CLSTN2: variants seen among roughly 807,000 people sequenced by gnomAD.
CLSTN2 encodes the protein calsyntenin-2.
CLSTN2 carries 48 observed loss-of-function variants against 101.2 expected under a neutral mutation model. The ratio of observed to expected loss-of-function variants is 0.47; its 90% confidence interval spans 0.38 to 0.60. The LOEUF (loss-of-function observed/expected upper bound fraction) is 0.60, where lower values mean the gene tolerates loss of function less well. Among genes scored for constraint, CLSTN2 ranks in the 20% least tolerant of loss-of-function variants. The pLI is 0.00. For synonymous variants in CLSTN2, 481 were observed against 463.6 expected (o/e 1.04, Z -0.48); for missense variants, 1,160 against 1,238.2 (o/e 0.94, Z 0.95).
intron 8 of CLSTN2, among the ~76,000 whole-genome samples, chr3:140,489,222 G>A (rs771451997): frequency 1.3e-5 from 2 of 152,136 alleles, no homozygotes; most frequent in Non-Finnish European, 2.9e-5. Context: ...GGGGTGCAGG[G>A]AAGGGGCTTC....
At chr3:140,059,425 A>G (rs142670192) in intron 1 of CLSTN2, among the ~76,000 whole-genome samples, 1 of 152,314 alleles carries the variant, frequency 6.6e-6, no homozygotes, top group Non-Finnish European at 1.5e-5. Context: ...GTGATGTGCC[A>G]GGGAATTAAG....
intron 1 of CLSTN2, among the ~76,000 whole-genome samples, chr3:140,137,480 C>T (rs939737784): frequency 1.3e-5 from 2 of 152,088 alleles, no homozygotes; most frequent in Non-Finnish European, 2.9e-5. Context: ...TGCTTATTTC[C>T]CACTAGATTA....
At chr3:140,013,353 C>A (rs1482280278) in intron 1 of CLSTN2, among the ~76,000 whole-genome samples, 1 of 152,162 alleles carries the variant, frequency 6.6e-6, no homozygotes, top group Non-Finnish European at 1.5e-5. Flanking sequence ...CCTGTCCCAG[C>A]CACATGTGGT....
At chr3:140,468,587 G>A (rs531604250) in intron 8 of CLSTN2, among the ~76,000 whole-genome samples, 18 of 152,272 alleles carry the variant, frequency 1.2e-4, no homozygotes, top group East Asian at 3.9e-4. Flanking sequence ...CAGGATGCAC[G>A]TGGGAAATTA....
chr3:140,182,232 G>C (rs1378607105), intron 2 of CLSTN2, among the ~76,000 whole-genome samples: 4 of 152,106 alleles, frequency 2.6e-5, no homozygotes, highest in Non-Finnish European at 5.9e-5. Context: ...TTCAAGGCAA[G>C]GATTGCTGGC....
chr3:139,983,513 C>T (rs1279490802), intron 1 of CLSTN2, among the ~76,000 whole-genome samples: 1 of 152,064 alleles, frequency 6.6e-6, no homozygotes, highest in Non-Finnish European at 1.5e-5. Context: ...CATGAGAATC[C>T]AAATGCTGTT....
At chr3:140,093,570 T>C (rs2008816783) in intron 1 of CLSTN2, among the ~76,000 whole-genome samples, 1 of 151,972 alleles carries the variant, frequency 6.6e-6, no homozygotes, top group Non-Finnish European at 1.5e-5. Context: ...TAGCAGAGGG[T>C]GGGGTGAGCT....
intron 2 of CLSTN2, among the ~76,000 whole-genome samples, chr3:140,400,256 T>G (rs952900553): frequency 6.6e-6 from 1 of 152,214 alleles, no homozygotes; most frequent in East Asian, 1.9e-4. Context: ...TCCCACATGT[T>G]GTTGGGTCCA....
At chr3:140,184,245 C>T (rs2010453025) in intron 2 of CLSTN2, among the ~76,000 whole-genome samples, 1 of 152,170 alleles carries the variant, frequency 6.6e-6, no homozygotes, top group African/African-American at 2.4e-5. Flanking sequence ...AAGTTTGTTA[C>T]TGTCTGTATT....
rs954234931 is a variant in CLSTN2, at chr3:140,446,387, G to A, written c.788-2132G>A. Among the ~76,000 whole-genome samples the A allele has an allele frequency of 4.6e-5, 7 of 152,184 alleles. No individual in the cohort carries two copies. The South Asian group carries it at 6.2e-4, about 14-fold the overall frequency. The stretch of plus-strand genomic sequence containing the variant: ...TACCCTAGGGATGAATCTCACATCC[G>A]TAATGTGCACCCTCTACTTGTGACA... On this transcript the variant is annotated intron_variant, in intron 5 of 16. Transcript: ENST00000458420.
rs145943920 is a variant in CLSTN2, at chr3:140,228,492, C to A, written c.232+52419C>A. ...CACATTTTCCTGTCTTCTTCTGAGC[C>A]CTGAAAACTGTTTCAACCTCTGCAT... On this transcript the variant is annotated intron_variant, in intron 2 of 16. Coordinates refer to ENST00000458420, the MANE Select transcript of CLSTN2 (RefSeq NM_022131.3). 3.3e-3 allele frequency among the ~76,000 whole-genome samples: 506 copies of A among 152,270 alleles called. 4 individuals carry two copies. Among genetic ancestry groups the A allele is most frequent in the African/African-American group, 0.012 (489 of 41,558 alleles).
intron 1 of CLSTN2, among the ~76,000 whole-genome samples, chr3:139,945,389 GA>G (rs931037757): frequency 3.9e-5 from 6 of 152,204 alleles, no homozygotes; most frequent in Admixed American, 2.6e-4. Flanking sequence ...CTTTTGAAAG[GA>G]TAAAGCGCTT....
intron 2 of CLSTN2, among the ~76,000 whole-genome samples, chr3:140,325,465 T>C (rs1213411168): frequency 6.6e-6 from 1 of 152,152 alleles, no homozygotes; most frequent in Non-Finnish European, 1.5e-5. Flanking sequence ...ACCTTGCCCA[T>C]AAAGCAAGGA....
At chr3:139,998,634 G>C (rs1306584460) in intron 1 of CLSTN2, among the ~76,000 whole-genome samples, 1 of 151,990 alleles carries the variant, frequency 6.6e-6, no homozygotes, top group African/African-American at 2.4e-5. Flanking sequence ...GTGAGCCACC[G>C]TGCCTGGCCA....
At chr3:139,949,094 G>C (rs142705993) in intron 1 of CLSTN2, among the ~76,000 whole-genome samples, 15 of 152,190 alleles carry the variant, frequency 9.9e-5, no homozygotes, top group African/African-American at 3.6e-4. Flanking sequence ...CCTCCCCCAC[G>C]CTGTCAGCAT....
intron 2 of CLSTN2, among the ~76,000 whole-genome samples, chr3:140,366,588 A>G (rs1057034322): frequency 6.6e-6 from 1 of 151,868 alleles, no homozygotes; most frequent in African/African-American, 2.4e-5. Flanking sequence ...TCTCTCTTCT[A>G]CCCCAGCAAG....
chr3:140,406,926 T>C (rs1323556685), intron 4 of CLSTN2, among the ~76,000 whole-genome samples: 1 of 152,254 alleles, frequency 6.6e-6, no homozygotes, highest in Non-Finnish European at 1.5e-5. Flanking sequence ...CTCACCTTGA[T>C]GAGCCATTTT....
rs114026408 is a variant in CLSTN2 at position 140,415,599 on chromosome 3, A to T, written c.638-5526A>T. ...AAATGGTCGACGTGCATACAAAAAG[A>T]TGTTCAATGTCACTAACTACCAGTA... On this transcript the variant is annotated intron_variant, in intron 4 of 16. Coordinates refer to ENST00000458420, the MANE Select transcript of CLSTN2 (RefSeq NM_022131.3). 8.3e-3 allele frequency among the ~76,000 whole-genome samples: 1,262 copies of T among 152,132 alleles called. 17 individuals are homozygous for T. Among genetic ancestry groups the T allele is most frequent in the African/African-American group, 0.027 (1,113 of 41,544 alleles).
chr3:140,264,378 AT>A (rs2086677509), intron 2 of CLSTN2, among the ~76,000 whole-genome samples: 1 of 2,336 alleles, frequency 4.3e-4, no homozygotes, highest in African/African-American at 3.6e-3. Flanking sequence ...TGAATCAAAT[AT>A]ATATATATAT....
Sources: allele counts gnomAD v4.1 joint callset (sites outside exome capture counted in the v4.1 genomes callset), GRCh38; gene constraint gnomAD v4.1.1; transcripts MANE v1.5; gene names NCBI Gene and HGNC (gene_info 2026-07-23, HGNC 2026-07-21).